The following PARD3B variants were observed in gnomAD, a reference collection of about 807,000 sequenced individuals.
PARD3B encodes the protein par-3 family cell polarity regulator beta.
In PARD3B, 103 loss-of-function variants were observed where a neutral mutation model predicts 130.2. The observed-to-expected ratio is 0.79, with a 90% CI of 0.67 to 0.93. The LOEUF (loss-of-function observed/expected upper bound fraction) is 0.93. Ranked by LOEUF, PARD3B falls within the 40% of genes least tolerant of loss-of-function variation. PARD3B has a pLI of 0.00. For missense variants in PARD3B, 1,609 were observed against 1,499.2 expected, an observed-to-expected ratio of 1.07 and a Z score of -1.21; for synonymous variants, 583 against 553.2, an observed-to-expected ratio of 1.05 and a Z score of -0.76.
At chr2:205,339,404 G>A (rs541087181) in intron 18 of PARD3B, among the ~76,000 whole-genome samples, 1 of 152,300 alleles carries the variant, frequency 6.6e-6, no homozygotes, top group African/African-American at 2.4e-5. Flanking sequence ...TAGTGATTGA[G>A]GTGGTTTGGC....
intron 22 of PARD3B, among the ~76,000 whole-genome samples, chr2:205,607,831 TACACACACAC>T (rs776583001): frequency 0.011 from 1,275 of 116,170 alleles, 12 homozygotes; most frequent in African/African-American, 0.021. Flanking sequence ...CCAACACCCA[TACACACACAC>T]ACACACACAC....
At chr2:204,925,053 A>G (rs1249427224) in intron 2 of PARD3B, among the ~76,000 whole-genome samples, 1 of 152,116 alleles carries the variant, frequency 6.6e-6, no homozygotes, top group Admixed American at 6.6e-5. Flanking sequence ...ATATGTGTAT[A>G]TACAGGTATC....
Position 205,326,488 on chromosome 2 carries a change from G to T in PARD3B, c.2630+24787G>T, listed in dbSNP as rs1485581710. 2.0e-5 allele frequency among the ~76,000 whole-genome samples: 3 copies of T among 152,138 alleles called. 1 individual carries two copies. In the South Asian group the frequency reaches 6.2e-4, roughly 32 times the overall value. Reference sequence around the variant, plus strand: ...AAAGTGGAGGAGATGACCAAGTCAGGCTCTAGGAGTAAAAGCATTATCTCT... The same window carrying T: ...AAAGTGGAGGAGATGACCAAGTCAGTCTCTAGGAGTAAAAGCATTATCTCT... On this transcript the variant is annotated intron_variant, in intron 18 of 22. Transcript: ENST00000406610.
chr2:205,378,189 C>T (rs1172325427), intron 18 of PARD3B, among the ~76,000 whole-genome samples: 1 of 152,132 alleles, frequency 6.6e-6, no homozygotes, highest in Non-Finnish European at 1.5e-5. Flanking sequence ...ACCAAGGGTC[C>T]ACCACCCTCT....
chr2:205,090,008 G>A (rs996146503), intron 4 of PARD3B, among the ~76,000 whole-genome samples: 2 of 152,188 alleles, frequency 1.3e-5, no homozygotes, highest in Non-Finnish European at 2.9e-5. Flanking sequence ...GTGATTTGCT[G>A]TATTTTGTAG....
intron 2 of PARD3B, among the ~76,000 whole-genome samples, chr2:204,725,756 A>G (rs1339236429): frequency 6.6e-6 from 1 of 152,224 alleles, no homozygotes; most frequent in Non-Finnish European, 1.5e-5. Context: ...TAAAAAACAA[A>G]CAAACAAAAA....
In PARD3B at chr2:205,150,252, T is replaced by TGTGTGCGCGCGC. The variant is rs375301293; in HGVS notation, c.1435-8469_1435-8468insTGTGCGCGCGCG. On this transcript the variant is annotated intron_variant, in intron 10 of 22. Coordinates refer to ENST00000406610, the MANE Select transcript of PARD3B (RefSeq NM_001302769.2). The stretch of plus-strand genomic sequence containing the variant: ...GTGTGTGTGTGTGTGTGTGTGTGTG[T>TGTGTGCGCGCGC]GCACACACGCTTGAAATCTGTGAGT... 4.7e-4 allele frequency among the ~76,000 whole-genome samples: 69 copies of TGTGTGCGCGCGC among 145,886 alleles called. 1 individual carries two copies. Among genetic ancestry groups the TGTGTGCGCGCGC allele is most frequent in the African/African-American group, 1.7e-3 (65 of 38,962 alleles).
chr2:205,594,690 T>C (rs1186759583), intron 22 of PARD3B, among the ~76,000 whole-genome samples: 1 of 152,164 alleles, frequency 6.6e-6, no homozygotes, highest in African/African-American at 2.4e-5. Flanking sequence ...GCCCTTGACT[T>C]TGAAGTGTCA....
intron 10 of PARD3B, among the ~76,000 whole-genome samples, chr2:205,129,395 C>T (rs2031777785): frequency 6.6e-6 from 1 of 152,244 alleles, no homozygotes; most frequent in Non-Finnish European, 1.5e-5. Flanking sequence ...GTGTGGCATA[C>T]ACCGGCCTGT....
At chr2:204,938,039 A>G (rs1366843037) in intron 2 of PARD3B, among the ~76,000 whole-genome samples, 7 of 152,216 alleles carry the variant, frequency 4.6e-5, no homozygotes, top group African/African-American at 1.7e-4. Context: ...CTCAGGTTTT[A>G]TAACTGCTGT....
intron 2 of PARD3B, among the ~76,000 whole-genome samples, chr2:204,739,058 A>T (rs1303416138): frequency 1.3e-5 from 2 of 152,118 alleles, no homozygotes; most frequent in Non-Finnish European, 2.9e-5. Flanking sequence ...GGTTTTTGGG[A>T]GACAATTTTT....
chr2:205,005,258 T>C (rs1695162408), intron 3 of PARD3B, among the ~76,000 whole-genome samples: 1 of 152,024 alleles, frequency 6.6e-6, no homozygotes, highest in African/African-American at 2.4e-5. Flanking sequence ...GAGAAAATAA[T>C]ATAAGTGTGA....
intron 3 of PARD3B, among the ~76,000 whole-genome samples, chr2:205,034,683 A>T (rs897431604): frequency 6.6e-6 from 1 of 152,222 alleles, no homozygotes; most frequent in African/African-American, 2.4e-5. Context: ...ATAATTTTTT[A>T]AAAATTATAT....
chr2:204,795,289 A>G (rs975927258), intron 2 of PARD3B, among the ~76,000 whole-genome samples: 19 of 152,194 alleles, frequency 1.2e-4, no homozygotes, highest in Admixed American at 2.6e-4. Context: ...AGTCATTTTG[A>G]TAGTGATTGG....
rs2046424469 is a variant in PARD3B at position 204,890,973 on chromosome 2, A to G, written c.223-74179A>G. ...CCATGAGGATATTCTAGGAATCTGT[A>G]TCTAATTACCTGTGCAGCTAATTAC... On this transcript the variant is annotated intron_variant, in intron 2 of 22. Transcript: ENST00000406610. This position sits in a 1 kb window ranked among gnomAD's most constrained non-coding sequence, Gnocchi z 4.9. Among the ~76,000 whole-genome samples, 1 of 152,126 alleles carries G rather than the reference A, an allele frequency of 6.6e-6. No individual in the cohort carries two copies. Among genetic ancestry groups the G allele is most frequent in the Non-Finnish European group, 1.5e-5 (1 of 68,026 alleles).
intron 18 of PARD3B, among the ~76,000 whole-genome samples, chr2:205,368,452 G>A (rs1214664012): frequency 6.6e-6 from 1 of 152,046 alleles, no homozygotes; most frequent in African/African-American, 2.4e-5. Flanking sequence ...GGCCAAGATG[G>A]TGAAACCTCA....
chr2:204,563,577 T>C (rs185327068), intron 1 of PARD3B, among the ~76,000 whole-genome samples: 1 of 152,282 alleles, frequency 6.6e-6, no homozygotes, highest in Non-Finnish European at 1.5e-5. Flanking sequence ...ATATTTTTGC[T>C]CCAAAATAGT....
Position 204,746,742 on chromosome 2 carries a change from C to T in PARD3B, c.222+60460C>T, listed in dbSNP as rs540395382. ...TTCTCTGATGGCCAGTGATGACGAG[C>T]GTTTTTTCATGTGTCTGTTGGCTGC... On this transcript the variant is annotated intron_variant, in intron 2 of 22. Transcript: ENST00000406610. Among the ~76,000 whole-genome samples, 6 of 152,224 alleles carry T rather than the reference C, an allele frequency of 3.9e-5. No individual in the cohort carries two copies. The East Asian group carries it at 1.2e-3, about 29-fold the overall frequency.
At chr2:204,750,595 C>CACACACAT (rs2040421956) in intron 2 of PARD3B, among the ~76,000 whole-genome samples, 1 of 149,550 alleles carries the variant, frequency 6.7e-6, no homozygotes, top group Non-Finnish European at 1.5e-5. Context: ...CAAAAATACA[C>CACACACAT]ACATACATAC....
Sources: allele counts gnomAD v4.1 joint callset (sites outside exome capture counted in the v4.1 genomes callset), GRCh38; gene constraint gnomAD v4.1.1; non-coding constraint Gnocchi (gnomAD v3.1); transcripts MANE v1.5; gene names NCBI Gene and HGNC (gene_info 2026-07-23, HGNC 2026-07-21).